Variants in PTCHD4 observed in about 807,000 individuals in gnomAD.
The protein encoded by PTCHD4 is patched domain containing 4.
Under a neutral mutation model 58.1 loss-of-function variants are expected in PTCHD4, and 33 were observed. The observed-to-expected ratio is 0.57, with a 90% confidence interval of 0.43 to 0.76. PTCHD4 has a LOEUF of 0.76. Ranked by LOEUF, PTCHD4 falls within the 30% of genes least tolerant of loss-of-function variation. The pLI, the probability that PTCHD4 is intolerant of heterozygous loss-of-function variation, is 0.00. For missense variants in PTCHD4, 1,058 were observed against 1,027.1 expected (o/e 1.03, Z -0.41); for synonymous variants, 478 against 409.6 (o/e 1.17, Z -2.02).
At chr6:47,921,976 G>T (rs1434172024) in intron 4 of PTCHD4, among the ~76,000 whole-genome samples, 1 of 149,344 alleles carries the variant, frequency 6.7e-6, no homozygotes, top group Non-Finnish European at 1.5e-5. Flanking sequence ...GAAAAGAAAA[G>T]AAAAGAAAAG....
chr6:47,983,652 A>G (rs1261823422), intron 4 of PTCHD4, among the ~76,000 whole-genome samples: 1 of 152,200 alleles, frequency 6.6e-6, no homozygotes, highest in African/African-American at 2.4e-5. Context: ...AGTTACCTTA[A>G]CATACTTGGG....
chr6:48,025,206 A>G (rs1410388569), intron 3 of PTCHD4, among the ~76,000 whole-genome samples: 2 of 152,166 alleles, frequency 1.3e-5, no homozygotes. Flanking sequence ...GATAAACTCA[A>G]TGTATTTCAT....
chr6:47,957,453 A>G (rs925120356), intron 4 of PTCHD4, among the ~76,000 whole-genome samples: 2 of 150,876 alleles, frequency 1.3e-5, no homozygotes, highest in Non-Finnish European at 3.0e-5. Context: ...TTTCAGACCA[A>G]TCGACATATG....
In PTCHD4 at chr6:47,879,215, A is replaced by G; in HGVS notation, c.1620T>C (p.Ser540=). 2 of 1,613,066 alleles carry G rather than the reference A, an allele frequency of 1.2e-6. No homozygotes were observed. Among genetic ancestry groups the G allele is most frequent in the Non-Finnish European group, 1.7e-6 (2 of 1,179,670 alleles). The change falls in exon 5 of 5, where the codon AGT becomes AGC. Residue 540 remains serine, a synonymous_variant. Coordinates refer to ENST00000339488, the MANE Select transcript of PTCHD4 (RefSeq NM_001384253.1). ...SVQDDLRRLC[S]GFTAVSWVEQ... ...CCACCCAGGACACTGCAGTGAATCC[A>G]CTACAGAGTCTTCTTAGGTCATCCT...
chr6:47,987,525 TA>T lies in PTCHD4; in HGVS notation c.898+21108del, dbSNP rs35271205. Among the ~76,000 whole-genome samples, 1,175 of 151,610 alleles carry T rather than the reference TA, an allele frequency of 7.8e-3. 6 individuals are homozygous for T. The highest frequency in any genetic ancestry group is 0.017 in the African/African-American group (719 of 41,360). ...ATGTCATTTTTGTTAATGCTTTAGT[TA>T]AAAAAAATGCTAAATGCTTGATAAA... On this transcript the variant is annotated intron_variant, in intron 4 of 4. Transcript: ENST00000339488.
chr6:47,976,861 T>G (rs1767711926), intron 4 of PTCHD4, among the ~76,000 whole-genome samples: 1 of 151,948 alleles, frequency 6.6e-6, no homozygotes, highest in African/African-American at 2.4e-5. Flanking sequence ...AAATGCAATG[T>G]TTCATGATTT....
Position 47,869,722 on chromosome 6 carries a change from A to G in PTCHD4, c.*8581T>C, listed in dbSNP as rs1371060109. Among the ~76,000 whole-genome samples, 1 of 151,722 alleles carries G rather than the reference A, an allele frequency of 6.6e-6. No homozygotes were observed. The highest frequency in any genetic ancestry group is 1.9e-4 in the East Asian group (1 of 5,150). On this transcript the variant is annotated 3_prime_UTR_variant, in exon 5 of 5. Transcript: ENST00000339488. Reference sequence around the variant, plus strand: ...AATGTATGTATTCTTGAATGTTTAAAGGATAAAAAATTACATTATAAGTTT... The same window carrying G: ...AATGTATGTATTCTTGAATGTTTAAGGGATAAAAAATTACATTATAAGTTT...
At chr6:48,043,941 A>G (rs947102988) in intron 3 of PTCHD4, among the ~76,000 whole-genome samples, 1 of 151,854 alleles carries the variant, frequency 6.6e-6, no homozygotes, top group African/African-American at 2.4e-5. Context: ...TGCCTGCAGT[A>G]TATGAGAATT....
chr6:47,877,953 C>G lies in PTCHD4; in HGVS notation c.*350G>C, dbSNP rs570094243. 4.1e-5 allele frequency: 7 copies of G among 171,422 alleles called. No homozygotes were observed. The South Asian group carries it at 1.2e-3, about 28-fold the overall frequency. 10.6% of individuals were successfully genotyped at this position (171,422 alleles called of 1,614,324 possible). On this transcript the variant is annotated 3_prime_UTR_variant, in exon 5 of 5. Transcript: ENST00000339488. ...TGTCTTTCCCCCTATTTGAAGGACA[C>G]CTTTCCTTGCTTCTCCATCACTCCT...
chr6:48,093,320 A>G (rs566789597), intron 1 of PTCHD4, among the ~76,000 whole-genome samples: 1 of 152,294 alleles, frequency 6.6e-6, no homozygotes, highest in Non-Finnish European at 1.5e-5. Context: ...TTCTCTTTTT[A>G]AAAATGTGAA....
intron 4 of PTCHD4, among the ~76,000 whole-genome samples, chr6:47,950,637 A>G (rs1370097533): frequency 1.3e-5 from 2 of 152,176 alleles, no homozygotes; most frequent in African/African-American, 4.8e-5. Context: ...GATGCTTATT[A>G]GACATCTAAA....
intron 4 of PTCHD4, among the ~76,000 whole-genome samples, chr6:47,905,579 AT>A (rs1193936958): frequency 3.3e-5 from 5 of 152,218 alleles, no homozygotes; most frequent in Non-Finnish European, 7.3e-5. Context: ...TAAATTATAA[AT>A]TCCATATGAC....
At chr6:47,908,103 C>A (rs1159268208) in intron 4 of PTCHD4, among the ~76,000 whole-genome samples, 1 of 152,112 alleles carries the variant, frequency 6.6e-6, no homozygotes, top group Non-Finnish European at 1.5e-5. Context: ...AGCCCACACA[C>A]AAAGCAGACC....
At chr6:47,992,786 C>T (rs530868893) in intron 4 of PTCHD4, among the ~76,000 whole-genome samples, 8 of 152,128 alleles carry the variant, frequency 5.3e-5, no homozygotes, top group African/African-American at 1.4e-4. Context: ...TGCTACGTTA[C>T]TTTTGTAATG....
intron 4 of PTCHD4, among the ~76,000 whole-genome samples, chr6:47,975,848 ATAAGG>A (rs1285958203): frequency 2.0e-5 from 3 of 152,162 alleles, no homozygotes; most frequent in Non-Finnish European, 2.9e-5. Flanking sequence ...CCATTTGTAC[ATAAGG>A]TAAGTGTCAA....
intron 4 of PTCHD4, among the ~76,000 whole-genome samples, chr6:47,982,399 A>G (rs1436649133): frequency 6.6e-6 from 1 of 151,454 alleles, no homozygotes; most frequent in Non-Finnish European, 1.5e-5. Flanking sequence ...TGTCCTAAAC[A>G]GTCCTTATTT....
At chr6:47,887,876 C>T (rs1295062449) in intron 4 of PTCHD4, among the ~76,000 whole-genome samples, 2 of 152,126 alleles carry the variant, frequency 1.3e-5, no homozygotes, top group East Asian at 3.9e-4. Context: ...ATATAGCCCA[C>T]AAAGGGTAGG....
intron 4 of PTCHD4, chr6:47,899,612 T>G (rs1764635173): frequency 7.2e-6 from 7 of 973,472 alleles, no homozygotes; most frequent in Non-Finnish European, 8.5e-6. Context: ...CCCTTCCGTT[T>G]GTTTTTAACA....
intron 4 of PTCHD4, among the ~76,000 whole-genome samples, chr6:47,880,537 A>AT (rs1470294322): frequency 6.6e-6 from 1 of 151,896 alleles, no homozygotes; most frequent in Non-Finnish European, 1.5e-5. Context: ...TTTTTAAAAA[A>AT]AAAATCTGCC....
Sources: allele counts gnomAD v4.1 joint callset (sites outside exome capture counted in the v4.1 genomes callset), GRCh38; gene constraint gnomAD v4.1.1; transcripts MANE v1.5; gene names NCBI Gene and HGNC (gene_info 2026-07-23, HGNC 2026-07-21).